Variants in KIAA0319L observed in about 807,000 individuals in gnomAD.
KIAA0319L encodes KIAA0319 like.
KIAA0319L carries 55 observed loss-of-function variants against 120.1 expected under a neutral mutation model. That is an observed-to-expected ratio of 0.46 (90% confidence interval 0.37 to 0.57). KIAA0319L has a LOEUF of 0.57. Among genes scored for constraint, KIAA0319L ranks in the 20% least tolerant of loss-of-function variants. KIAA0319L has a pLI of 0.00. For synonymous variants in KIAA0319L, 398 were observed against 471.9 expected, an observed-to-expected ratio of 0.84 and a Z score of 2.03; for missense variants, 1,049 against 1,255.3, an observed-to-expected ratio of 0.84 and a Z score of 2.48.
chr1:35,487,563 C>T (rs1047184841), intron 3 of KIAA0319L, among the ~76,000 whole-genome samples: 1 of 152,188 alleles, frequency 6.6e-6, no homozygotes, highest in African/African-American at 2.4e-5. Flanking sequence ...TACAGGTCTG[C>T]CTGTGTAACT....
chr1:35,484,806 A>ATATATATTTT (rs1381080295), intron 3 of KIAA0319L, among the ~76,000 whole-genome samples: 1 of 86,242 alleles, frequency 1.2e-5, no homozygotes, highest in South Asian at 3.2e-4. Flanking sequence ...ATATATATAT[A>ATATATATTTT]TTTTTTTTTT....
At chr1:35,554,747 C>A in intron 1 of KIAA0319L, 3 of 305,320 alleles carry the variant, frequency 9.8e-6, no homozygotes, top group Non-Finnish European at 1.2e-5. Context: ...AAAACTGAAA[C>A]TTTATATTCC....
chr1:35,529,996 T>C (rs1014693406), intron 2 of KIAA0319L, among the ~76,000 whole-genome samples: 1 of 152,086 alleles, frequency 6.6e-6, no homozygotes, highest in Admixed American at 6.5e-5. Context: ...TTTTTTTTTT[T>C]TTAATCTAAC....
At chr1:35,493,158 A>G (rs570241052) in intron 3 of KIAA0319L, among the ~76,000 whole-genome samples, 170 of 152,298 alleles carry the variant, frequency 1.1e-3, no homozygotes, top group Non-Finnish European at 1.7e-3. Flanking sequence ...ATCTATACAA[A>G]ATGCTAACAG....
intron 20 of KIAA0319L, among the ~76,000 whole-genome samples, chr1:35,436,088 C>G (rs1483333110): frequency 2.6e-5 from 4 of 152,176 alleles, no homozygotes; most frequent in Admixed American, 1.3e-4. Context: ...ACAATCTCAT[C>G]ATCCAATAAT....
rs1642226075 is a variant in KIAA0319L, at chr1:35,453,711, G to T, written c.1781-22C>A. 1.9e-6 allele frequency: 3 copies of T among 1,607,324 alleles called. No individual in the cohort carries two copies. The highest frequency in any genetic ancestry group is 2.6e-6 in the Non-Finnish European group (3 of 1,176,020). Reference sequence around the variant, plus strand: ...TTTTCTGGAAGACAAAGAGTTAGAGGTCAAAAGCAGCCAGTCCAGGTGGGA... The same window carrying T: ...TTTTCTGGAAGACAAAGAGTTAGAGTTCAAAAGCAGCCAGTCCAGGTGGGA... On this transcript the variant is annotated intron_variant, in intron 11 of 20. Coordinates refer to ENST00000325722, the MANE Select transcript of KIAA0319L (RefSeq NM_024874.5). This position sits in a 1 kb window ranked among gnomAD's most constrained non-coding sequence, Gnocchi z 4.1.
At chr1:35,503,443 G>A (rs1401060627) in intron 3 of KIAA0319L, among the ~76,000 whole-genome samples, 1 of 152,174 alleles carries the variant, frequency 6.6e-6, no homozygotes, top group Admixed American at 6.5e-5. Context: ...ACATACTCCA[G>A]ACCTACCGAG....
At chr1:35,491,589 G>A (rs1203132) in intron 3 of KIAA0319L, among the ~76,000 whole-genome samples, 39,150 of 151,822 alleles carry the variant, frequency 0.26, 10,564 homozygotes, top group East Asian at 0.78. Flanking sequence ...CTGTCAACTT[G>A]GATTTGTTTA....
At position 35,506,758 on chromosome 1, in the gene KIAA0319L, C is replaced by G; in HGVS notation, c.520G>C (p.Val174Leu). ...AAGCTCTGCTGGTCACTGGAAGATA[C>G]AGCAGGTCTGAGTGCAGCTCTGGGT... ...SPPRAALRPA[V>L]SSSDQQSLIR... The change falls in exon 3 of 21, where the codon GTA (valine) becomes CTA (leucine). Residue 174 changes from valine to leucine, a missense_variant. By Grantham distance (32) the Val-to-Leu change is conservative. Transcript: ENST00000325722. This position sits in a 1 kb window ranked among gnomAD's most constrained non-coding sequence, Gnocchi z 4.0. 6.2e-7 allele frequency: 1 copy of G among 1,614,222 alleles called. No homozygotes were observed. Among genetic ancestry groups the G allele is most frequent in the East Asian group, 2.2e-5 (1 of 44,886 alleles).
In KIAA0319L at chr1:35,437,843, T is replaced by C. The variant is rs1293020875; in HGVS notation, c.2963-2762A>G. On this transcript the variant is annotated intron_variant, in intron 20 of 20. Coordinates refer to ENST00000325722, the MANE Select transcript of KIAA0319L (RefSeq NM_024874.5). This position sits in a 1 kb window ranked among gnomAD's most constrained non-coding sequence, Gnocchi z 4.1. ...TCTACAGTTCCATGTCTGACTCTTCTGCTGAGTTCCATTTAATTCATCTTC... is the reference window on the plus strand; with the variant it reads ...TCTACAGTTCCATGTCTGACTCTTCCGCTGAGTTCCATTTAATTCATCTTC... 6.6e-6 allele frequency among the ~76,000 whole-genome samples: 1 copy of C among 152,228 alleles called. No homozygotes were observed. Among genetic ancestry groups the C allele is most frequent in the Non-Finnish European group, 1.5e-5 (1 of 68,032 alleles).
chr1:35,441,052 C>T lies in KIAA0319L; in HGVS notation c.2957G>A (p.Arg986Gln), dbSNP rs202079417. The change falls in exon 20 of 21, where the codon CGA (arginine) becomes CAA (glutamine). Residue 986 changes from arginine (R) to glutamine (Q), a missense_variant. Coordinates refer to ENST00000325722, the MANE Select transcript of KIAA0319L (RefSeq NM_024874.5). ...QESLELKPTS[R>Q]AGIKQKGLLL... ...CTGGCACCCAGGGCCCCTACCTGCT[C>T]GGGAGGTTGGCTTCAGCTCCAGGCT... is the stretch of plus-strand genomic sequence containing the variant. The T allele has an allele frequency of 8.7e-6, 14 of 1,613,714 alleles. No homozygotes were observed. The highest frequency in any genetic ancestry group is 4.5e-5 in the East Asian group (2 of 44,880).
chr1:35,464,234 A>G (rs926921371), intron 7 of KIAA0319L, among the ~76,000 whole-genome samples: 3 of 152,168 alleles, frequency 2.0e-5, no homozygotes, highest in African/African-American at 7.2e-5. Flanking sequence ...AAAATGTGGG[A>G]AAGTTTGGAA....
At chr1:35,505,188 C>T (rs1468198003) in intron 3 of KIAA0319L, among the ~76,000 whole-genome samples, 1 of 151,992 alleles carries the variant, frequency 6.6e-6, no homozygotes, top group Admixed American at 6.6e-5. Context: ...TGTAATATTC[C>T]TTGCCAGAGT....
intron 3 of KIAA0319L, among the ~76,000 whole-genome samples, chr1:35,491,084 AAC>A (rs1225903280): frequency 6.6e-6 from 1 of 152,232 alleles, no homozygotes; most frequent in Admixed American, 6.5e-5. Context: ...GCAATGTGAG[AAC>A]AGACTAATGC....
intron 3 of KIAA0319L, among the ~76,000 whole-genome samples, chr1:35,492,523 T>C (rs1396439513): frequency 6.6e-6 from 1 of 151,022 alleles, no homozygotes; most frequent in Non-Finnish European, 1.5e-5. Context: ...CAAAAAATAA[T>C]AAATTAATTA....
Position 35,551,445 on chromosome 1 carries a change from G to A in KIAA0319L, c.142+2905C>T, listed in dbSNP as rs1007355149. On this transcript the variant is annotated intron_variant, in intron 2 of 20. Coordinates refer to ENST00000325722, the MANE Select transcript of KIAA0319L (RefSeq NM_024874.5). ...CGATTCTCCTGCCTCAGCCTCCTGA[G>A]TAGGTGGGATTACATGTGCATGCCA... Among the ~76,000 whole-genome samples, 5 of 152,138 alleles carry A rather than the reference G, an allele frequency of 3.3e-5. No individual in the cohort carries two copies. The South Asian group carries it at 1.0e-3, about 32-fold the overall frequency.
chr1:35,479,277 T>C, intron 3 of KIAA0319L, 65 bp from the exon 4 acceptor site: 1 of 1,340,288 alleles, frequency 7.5e-7, no homozygotes, highest in Non-Finnish European at 1.0e-6. Context: ...TTATGTCTCA[T>C]GAAACAATAG....
At chr1:35,526,331 A>G (rs1048076868) in intron 2 of KIAA0319L, among the ~76,000 whole-genome samples, 1 of 146,806 alleles carries the variant, frequency 6.8e-6, no homozygotes, top group African/African-American at 2.5e-5. Flanking sequence ...ATGTGTGTGT[A>G]TATGTATATA....
chr1:35,516,342 C>T (rs1645680281), intron 2 of KIAA0319L, among the ~76,000 whole-genome samples: 1 of 152,148 alleles, frequency 6.6e-6, no homozygotes, highest in South Asian at 2.1e-4. Flanking sequence ...CATCAAAAAG[C>T]TAATCCACCA....
Sources: allele counts gnomAD v4.1 joint callset (sites outside exome capture counted in the v4.1 genomes callset), GRCh38; gene constraint gnomAD v4.1.1; non-coding constraint Gnocchi (gnomAD v3.1); transcripts MANE v1.5; gene names NCBI Gene and HGNC (gene_info 2026-07-23, HGNC 2026-07-21).